Variants in HSF5 observed in about 807,000 individuals in gnomAD.
The protein encoded by HSF5 is heat shock transcription factor 5.
Under a neutral mutation model 50.8 loss-of-function variants are expected in HSF5, and 5 were observed. The observed-to-expected ratio is 0.10, with a 90% CI of 0.05 to 0.21. The LOEUF is 0.21. Among genes scored for constraint, HSF5 ranks in the 10% least tolerant of loss-of-function variants. The pLI, the probability that HSF5 is intolerant of heterozygous loss-of-function variation, is 1.00. For missense variants in HSF5, 564 were observed against 762.6 expected, an observed-to-expected ratio of 0.74 and a Z score of 3.07; for synonymous variants, 307 against 307.4, an observed-to-expected ratio of 1.00 and a Z score of 0.02.
intron 5 of HSF5, among the ~76,000 whole-genome samples, chr17:58,433,221 G>A (rs974496014): frequency 2.6e-5 from 4 of 152,250 alleles, no homozygotes; most frequent in Admixed American, 6.5e-5. Flanking sequence ...AGCTAGTCTC[G>A]CTTAAGCCCA....
intron 3 of HSF5, among the ~76,000 whole-genome samples, chr17:58,466,178 C>T (rs1598196568): frequency 6.6e-6 from 1 of 152,088 alleles, no homozygotes; most frequent in East Asian, 1.9e-4. Context: ...TGAAACACTC[C>T]TGGTCCCAAG....
intron 2 of HSF5, among the ~76,000 whole-genome samples, chr17:58,471,864 A>G (rs776264493): frequency 6.6e-6 from 1 of 151,942 alleles, no homozygotes; most frequent in Non-Finnish European, 1.5e-5. Flanking sequence ...AGGCTTATTT[A>G]CTTTTTTGAG....
intron 5 of HSF5, among the ~76,000 whole-genome samples, chr17:58,452,165 A>G (rs1008863623): frequency 2.0e-5 from 3 of 152,106 alleles, no homozygotes; most frequent in Non-Finnish European, 4.4e-5. Context: ...CAGGAGGATC[A>G]CTTAAGCCCA....
At chr17:58,443,381 A>AT (rs1343722341) in intron 5 of HSF5, among the ~76,000 whole-genome samples, 4 of 151,598 alleles carry the variant, frequency 2.6e-5, no homozygotes, top group East Asian at 1.9e-4. Flanking sequence ...CCTGTCTTTC[A>AT]TTTTTTTTAA....
intron 5 of HSF5, among the ~76,000 whole-genome samples, chr17:58,447,165 G>C (rs1449814381): frequency 1.3e-5 from 2 of 152,054 alleles, no homozygotes; most frequent in African/African-American, 4.8e-5. Context: ...CTCTGTCTAG[G>C]AACCTAGTAC....
chr17:58,427,892 A>G (rs1258546345), intron 5 of HSF5, among the ~76,000 whole-genome samples: 5 of 152,232 alleles, frequency 3.3e-5, no homozygotes, highest in Admixed American at 6.5e-5. Flanking sequence ...GAGTCAGATA[A>G]TAAATATTTT....
At chr17:58,471,628 T>TC (rs1974944630) in intron 2 of HSF5, among the ~76,000 whole-genome samples, 1 of 151,468 alleles carries the variant, frequency 6.6e-6, no homozygotes, top group Admixed American at 6.6e-5. Flanking sequence ...TTTCTTTTTT[T>TC]TTTTTGAGAC....
chr17:58,429,320 T>C (rs1007671266), intron 5 of HSF5, among the ~76,000 whole-genome samples: 22 of 152,174 alleles, frequency 1.4e-4, no homozygotes, highest in Non-Finnish European at 3.1e-4. Flanking sequence ...TGGAACTAAA[T>C]AGAGGTGGAG....
chr17:58,450,293 C>T (rs1225363313), intron 5 of HSF5, among the ~76,000 whole-genome samples: 3 of 130,374 alleles, frequency 2.3e-5, no homozygotes, highest in East Asian at 2.4e-4. Flanking sequence ...GAGCCAAGAT[C>T]GCGCCATTGC....
intron 3 of HSF5, among the ~76,000 whole-genome samples, chr17:58,465,838 A>G (rs1974858883): frequency 6.6e-6 from 1 of 152,194 alleles, no homozygotes; most frequent in Non-Finnish European, 1.5e-5. Context: ...AACTCCAAGC[A>G]AGTGTCTCCT....
At position 58,463,424 on chromosome 17, in the gene HSF5, A is replaced by G. The variant is rs558451879; in HGVS notation, c.1021-121T>C. ...AATAGATTAAACTTAAAGATCACTAAGAAAACCTAGACACTAATCTACTTT... is the reference window on the plus strand; with the variant it reads ...AATAGATTAAACTTAAAGATCACTAGGAAAACCTAGACACTAATCTACTTT... On this transcript the variant is annotated intron_variant, in intron 3 of 5. Coordinates refer to ENST00000323777, the MANE Select transcript of HSF5 (RefSeq NM_001080439.3). 15 of 756,442 alleles carry G rather than the reference A, an allele frequency of 2.0e-5. No individual in the cohort carries two copies. The South Asian group carries it at 2.5e-4, about 13-fold the overall frequency. 46.9% of individuals were successfully genotyped at this position (756,442 alleles called of 1,614,324 possible). A position where few individuals can be genotyped will look rare whatever the true frequency, so the allele number is the denominator to read the frequency against.
At chr17:58,435,280 A>AAATATTGGCTGGGCGCTGTG in intron 5 of HSF5, among the ~76,000 whole-genome samples, 3 of 152,088 alleles carry the variant, frequency 2.0e-5, no homozygotes, top group Non-Finnish European at 4.4e-5. Context: ...GGGGTGCAGT[A>AAATATTGGCTGGGCGCTGTG]GCTCATGCCT....
chr17:58,460,916 A>G (rs1974786305), intron 4 of HSF5, among the ~76,000 whole-genome samples: 1 of 151,794 alleles, frequency 6.6e-6, no homozygotes, highest in Non-Finnish European at 1.5e-5. Flanking sequence ...GTGTTCTACA[A>G]ATATATTTAA....
At chr17:58,444,662 C>T (rs1245675483) in intron 5 of HSF5, among the ~76,000 whole-genome samples, 2 of 152,144 alleles carry the variant, frequency 1.3e-5, no homozygotes, top group Admixed American at 6.5e-5. Context: ...CTTCACGACA[C>T]TGGACTTGGC....
chr17:58,440,331 T>G (rs1027244670), intron 5 of HSF5, among the ~76,000 whole-genome samples: 1 of 152,134 alleles, frequency 6.6e-6, no homozygotes, highest in Non-Finnish European at 1.5e-5. Context: ...GGCTAGGATC[T>G]CAATAAGCTG....
chr17:58,455,339 A>C (rs1454872284), intron 5 of HSF5, among the ~76,000 whole-genome samples: 1 of 152,216 alleles, frequency 6.6e-6, no homozygotes, highest in Admixed American at 6.5e-5. Context: ...AAATTGATTA[A>C]ATACTTAAAT....
At chr17:58,484,524 T>C (rs1975141915) in intron 1 of HSF5, among the ~76,000 whole-genome samples, 1 of 152,166 alleles carries the variant, frequency 6.6e-6, no homozygotes, top group South Asian at 2.1e-4. Context: ...TTTGAAGTGG[T>C]TATCCCATTT....
At chr17:58,444,151 C>A (rs1325214518) in intron 5 of HSF5, among the ~76,000 whole-genome samples, 4 of 152,160 alleles carry the variant, frequency 2.6e-5, no homozygotes, top group Non-Finnish European at 4.4e-5. Context: ...TCTATACTAC[C>A]CAAAGCAATC....
At chr17:58,429,170 A>G (rs769102749) in intron 5 of HSF5, among the ~76,000 whole-genome samples, 12 of 152,234 alleles carry the variant, frequency 7.9e-5, no homozygotes, top group Non-Finnish European at 1.8e-4. Context: ...GCATTATTTC[A>G]TTTATATAAA....
Sources: gnomAD v4.1 joint callset for allele counts (sites outside exome capture counted in the v4.1 genomes callset) on GRCh38, gnomAD v4.1.1 for gene constraint, MANE v1.5 for transcripts, NCBI Gene and HGNC (gene_info 2026-07-23, HGNC 2026-07-21) for gene names.